GRM7: variants seen among roughly 807,000 people sequenced by gnomAD.
GRM7 encodes the protein glutamate metabotropic receptor 7.
GRM7 carries 35 observed loss-of-function variants against 84.5 expected under a neutral mutation model. That is an observed-to-expected ratio of 0.41 (90% confidence interval 0.32 to 0.55). The LOEUF (loss-of-function observed/expected upper bound fraction) is 0.55, where lower values mean the gene tolerates loss of function less well. GRM7 is among the 20% of genes least tolerant of loss of function. The pLI, the probability that GRM7 is intolerant of heterozygous loss-of-function variation, is 0.19. For missense variants in GRM7, 1,003 were observed against 1,194.6 expected, an observed-to-expected ratio of 0.84 and a Z score of 2.36; for synonymous variants, 487 against 455.1, an observed-to-expected ratio of 1.07 and a Z score of -0.89.
intron 9 of GRM7, among the ~76,000 whole-genome samples, chr3:7,730,255 C>T (rs1219143272): frequency 6.6e-6 from 1 of 152,174 alleles, no homozygotes; most frequent in Non-Finnish European, 1.5e-5. Context: ...ATCCGCCCAC[C>T]TTGGCCTCCC....
chr3:7,126,024 A>T (rs2125048366), intron 1 of GRM7, among the ~76,000 whole-genome samples: 1 of 152,296 alleles, frequency 6.6e-6, no homozygotes, highest in Non-Finnish European at 1.5e-5. Context: ...GTGTCAGGAA[A>T]CAGAAGAATA....
chr3:7,692,522 C>T (rs1003609538), intron 9 of GRM7, among the ~76,000 whole-genome samples: 3 of 152,116 alleles, frequency 2.0e-5, no homozygotes, highest in African/African-American at 7.2e-5. Flanking sequence ...CCCTGGGGGG[C>T]CAGACTCATT....
chr3:7,562,051 A>G (rs1357055458), intron 7 of GRM7, among the ~76,000 whole-genome samples: 1 of 152,120 alleles, frequency 6.6e-6, no homozygotes, highest in Non-Finnish European at 1.5e-5. Context: ...TCCTCAGGTT[A>G]TCTGTTAAAG....
At chr3:7,162,799 G>T (rs1046879283) in intron 2 of GRM7, among the ~76,000 whole-genome samples, 1 of 99,386 alleles carries the variant, frequency 1.0e-5, no homozygotes, top group African/African-American at 3.5e-5. Flanking sequence ...TCATTCTGTT[G>T]CCCAGGCTGG....
intron 1 of GRM7, among the ~76,000 whole-genome samples, chr3:7,007,992 A>G (rs372243844): frequency 1.3e-5 from 2 of 152,188 alleles, no homozygotes; most frequent in Non-Finnish European, 2.9e-5. Context: ...CTCATATTGA[A>G]ATTAAGGTAA....
chr3:7,302,669 A>G (rs893938624), intron 3 of GRM7, among the ~76,000 whole-genome samples: 1 of 152,070 alleles, frequency 6.6e-6, no homozygotes, highest in Non-Finnish European at 1.5e-5. Context: ...ATAATCTTTT[A>G]TCATGTATTT....
intron 8 of GRM7, chr3:7,607,005 A>G (rs1252780852): frequency 1.3e-5 from 2 of 152,194 alleles, no homozygotes; most frequent in African/African-American, 4.8e-5. Context: ...GCTCATCAAA[A>G]TTGAGAAAGC....
At chr3:7,444,083 A>G (rs539792031) in intron 5 of GRM7, among the ~76,000 whole-genome samples, 3 of 152,286 alleles carry the variant, frequency 2.0e-5, no homozygotes, top group South Asian at 4.1e-4. Flanking sequence ...TTTAGCAACG[A>G]TTGATGGTAA....
At chr3:7,612,638 C>T (rs753343682) in intron 8 of GRM7, among the ~76,000 whole-genome samples, 7 of 152,190 alleles carry the variant, frequency 4.6e-5, no homozygotes, top group Non-Finnish European at 8.8e-5. Flanking sequence ...GAGGTTCAGA[C>T]TTCTCCGCGT....
intron 1 of GRM7, among the ~76,000 whole-genome samples, chr3:7,014,477 G>A (rs190736556): frequency 6.6e-6 from 1 of 152,156 alleles, no homozygotes; most frequent in Admixed American, 6.5e-5. Flanking sequence ...GAGTAGCTGG[G>A]ATTACAGAGG....
At chr3:7,518,647 T>C (rs1700480453) in intron 7 of GRM7, among the ~76,000 whole-genome samples, 1 of 152,340 alleles carries the variant, frequency 6.6e-6, no homozygotes, top group East Asian at 1.9e-4. Flanking sequence ...TCTTGTTCCC[T>C]GTAGCTTATG....
At chr3:7,310,044 G>T (rs181606208) in intron 4 of GRM7, among the ~76,000 whole-genome samples, 120 of 152,292 alleles carry the variant, frequency 7.9e-4, no homozygotes, top group Non-Finnish European at 1.1e-3. Flanking sequence ...GGAATCTGCA[G>T]AGTACTAATG....
chr3:7,521,788 C>T (rs1700605154), intron 7 of GRM7, among the ~76,000 whole-genome samples: 1 of 152,094 alleles, frequency 6.6e-6, no homozygotes, highest in African/African-American at 2.4e-5. Flanking sequence ...AAAAGAACGC[C>T]GAGTAGCCCT....
At chr3:7,541,637 C>T (rs1294392987) in intron 7 of GRM7, among the ~76,000 whole-genome samples, 1 of 152,136 alleles carries the variant, frequency 6.6e-6, no homozygotes, top group Non-Finnish European at 1.5e-5. Context: ...CTAACTGGCC[C>T]TTTCTCTCCA....
At chr3:6,983,995 G>A (rs1339576359) in intron 1 of GRM7, among the ~76,000 whole-genome samples, 1 of 152,156 alleles carries the variant, frequency 6.6e-6, no homozygotes, top group Non-Finnish European at 1.5e-5. Context: ...AAAACAAAGA[G>A]CTTATGCCAG....
At chr3:7,471,006 T>C (rs1698678827) in intron 7 of GRM7, among the ~76,000 whole-genome samples, 1 of 151,596 alleles carries the variant, frequency 6.6e-6, no homozygotes, top group Non-Finnish European at 1.5e-5. Context: ...CTTTTCTGCT[T>C]GTTGCTTGAG....
chr3:6,987,994 GC>G (rs1479326522), intron 1 of GRM7, among the ~76,000 whole-genome samples: 2 of 134,804 alleles, frequency 1.5e-5, no homozygotes, highest in African/African-American at 6.1e-5. Context: ...ATCACCTCTA[GC>G]TTTTTTTTTT....
At chr3:7,707,459 T>C (rs1701426831) in intron 9 of GRM7, among the ~76,000 whole-genome samples, 1 of 152,154 alleles carries the variant, frequency 6.6e-6, no homozygotes, top group South Asian at 2.1e-4. Context: ...CACGTGTGCT[T>C]TGCCATTAAT....
intron 4 of GRM7, among the ~76,000 whole-genome samples, chr3:7,312,730 T>C (rs1337621360): frequency 6.6e-6 from 1 of 151,994 alleles, no homozygotes; most frequent in Non-Finnish European, 1.5e-5. Context: ...GATGACATTA[T>C]CTGAGGGAAC....
Sources: gnomAD v4.1 joint callset for allele counts (sites outside exome capture counted in the v4.1 genomes callset) on GRCh38, gnomAD v4.1.1 for gene constraint, MANE v1.5 for transcripts, NCBI Gene and HGNC (gene_info 2026-07-23, HGNC 2026-07-21) for gene names.